VPS8: variants seen among roughly 807,000 people sequenced by gnomAD.
VPS8 encodes the protein VPS8 subunit of CORVET complex, also known as vacuolar protein sorting-associated protein 8 homolog.
A neutral mutation model predicts 216.4 loss-of-function variants in VPS8; 129 were observed. The ratio of observed to expected loss-of-function variants is 0.60; its 90% CI spans 0.52 to 0.69. The LOEUF (loss-of-function observed/expected upper bound fraction) is 0.69. Among genes scored for constraint, VPS8 ranks in the 30% least tolerant of loss-of-function variants. VPS8 has a pLI of 0.00. For synonymous variants in VPS8, 571 were observed against 565.4 expected (o/e 1.01, Z -0.14); for missense variants, 1,531 against 1,683.5 (o/e 0.91, Z 1.59).
chr3:184,910,130 T>A (rs1278897168), intron 25 of VPS8, among the ~76,000 whole-genome samples: 4 of 38,858 alleles, frequency 1.0e-4, no homozygotes, highest in African/African-American at 7.7e-5. Flanking sequence ...ATTCTCCTAT[T>A]TTTTTTTTTT....
intron 25 of VPS8, among the ~76,000 whole-genome samples, chr3:184,904,530 C>T (rs1225873355): frequency 1.3e-5 from 2 of 152,128 alleles, no homozygotes; most frequent in Non-Finnish European, 2.9e-5. Context: ...ACCTTGCATT[C>T]TTGGGATAAA....
chr3:184,876,657 T>A (rs1473621706), intron 21 of VPS8, among the ~76,000 whole-genome samples: 1 of 152,168 alleles, frequency 6.6e-6, no homozygotes, highest in Non-Finnish European at 1.5e-5. Context: ...TGTTAGTGAG[T>A]GGATCCACCA....
At chr3:184,952,517 G>A (rs1744883379) in intron 36 of VPS8, among the ~76,000 whole-genome samples, 1 of 127,330 alleles carries the variant, frequency 7.9e-6, no homozygotes, top group African/African-American at 2.7e-5. Context: ...GTAGCCTCTG[G>A]CAGAAGCTGA....
At chr3:185,039,648 A>G (rs1289912004) in intron 46 of VPS8, among the ~76,000 whole-genome samples, 2 of 152,078 alleles carry the variant, frequency 1.3e-5, no homozygotes, top group Non-Finnish European at 2.9e-5. Flanking sequence ...GAAAAGGTTC[A>G]GGGGGTAGAT....
In VPS8 at chr3:184,983,038, T is replaced by C. The variant is rs1401066645; in HGVS notation, c.3529T>C (p.Leu1177=). The C allele has an allele frequency of 6.2e-7, 1 of 1,609,544 alleles. No homozygotes were observed. Among genetic ancestry groups the C allele is most frequent in the Admixed American group, 1.7e-5 (1 of 59,756 alleles). ...TCTGAAGTCTTTGACCATGCAAGTT[T>C]TAAATAGCATGGCAGCATTTATTGC... ...EALKSLTMQV[L]NSMAAFIALP... Residue 1177 remains leucine, a synonymous_variant, in exon 42 of 48, where the codon TTA becomes CTA. Coordinates refer to ENST00000625842, the MANE Select transcript of VPS8 (RefSeq NM_001009921.3).
rs1407166564 is a variant in VPS8 at position 185,006,838 on chromosome 3, G to A, written c.4002+6977G>A. ...ACTGCCTTTGTAATGCAGTCCTTCT[G>A]TCAAATGCAGTCCTTTTGTTTCATC... On this transcript the variant is annotated intron_variant, in intron 45 of 47. Transcript: ENST00000625842. 4.7e-4 allele frequency among the ~76,000 whole-genome samples: 12 copies of A among 25,568 alleles called. No individual in the cohort carries two copies. In the East Asian group the frequency reaches 9.9e-3, roughly 21 times the overall value. 16.8% of individuals were successfully genotyped at this position (25,568 alleles called of 152,430 possible).
In VPS8 at chr3:184,900,959, A is replaced by G. The variant is rs942354155; in HGVS notation, c.2133A>G (p.Gly711=). ...TCATTGCTCCTCCTCTGAATGCAGG[A>G]AAAACACTAACAGGTATTTATTTTC... is the stretch of plus-strand genomic sequence containing the variant. ...FRVIAPPLNA[G]KTLTDEQVVM... is the part of the protein sequence containing the mutation. The change falls in exon 25 of 48, where the codon GGA becomes GGG. Residue 711 remains glycine (G), a synonymous_variant. Coordinates refer to ENST00000625842, the MANE Select transcript of VPS8 (RefSeq NM_001009921.3). 2.3e-5 allele frequency: 37 copies of G among 1,606,396 alleles called. No homozygotes were observed. Among genetic ancestry groups the G allele is most frequent in the Non-Finnish European group, 3.0e-5 (35 of 1,178,298 alleles).
intron 42 of VPS8, among the ~76,000 whole-genome samples, chr3:184,989,997 T>C (rs997422123): frequency 4.3e-4 from 66 of 151,930 alleles, no homozygotes; most frequent in African/African-American, 1.5e-3. Flanking sequence ...GGTGTGAACC[T>C]GGGAGGCAGA....
chr3:185,047,630 TAGCGTATACTG>T (rs1186711884), intron 46 of VPS8, among the ~76,000 whole-genome samples: 1 of 152,212 alleles, frequency 6.6e-6, no homozygotes, highest in Non-Finnish European at 1.5e-5. Flanking sequence ...TAAGAAAAGC[TAGCGTATACTG>T]AGCCCTCGCC....
intron 35 of VPS8, among the ~76,000 whole-genome samples, chr3:184,938,373 A>G (rs1742013217): frequency 6.6e-6 from 1 of 152,248 alleles, no homozygotes; most frequent in Admixed American, 6.5e-5. Flanking sequence ...CTCTAGGAAG[A>G]AGACAAATAA....
chr3:185,052,183 C>A lies in VPS8; in HGVS notation c.*158C>A. On this transcript the variant is annotated 3_prime_UTR_variant, in exon 48 of 48. Transcript: ENST00000625842. ...GCCCAGAGCGTCCACAGCACCATTC[C>A]CAGTGTAGACTCCCAGTCTTCTCCA... The A allele has an allele frequency of 3.0e-6, 2 of 671,306 alleles. No individual in the cohort carries two copies. Among genetic ancestry groups the A allele is most frequent in the Admixed American group, 6.9e-5 (2 of 29,106 alleles). 41.6% of individuals were successfully genotyped at this position (671,306 alleles called of 1,614,324 possible).
chr3:184,992,411 G>A (rs944908125), intron 42 of VPS8, among the ~76,000 whole-genome samples: 2 of 152,022 alleles, frequency 1.3e-5, no homozygotes, highest in African/African-American at 4.8e-5. Context: ...ATTAGTTTTT[G>A]TATCCAGACT....
chr3:184,931,891 G>A (rs895552222), intron 34 of VPS8, among the ~76,000 whole-genome samples: 1 of 151,994 alleles, frequency 6.6e-6, no homozygotes. Context: ...ACAGTGGTTT[G>A]AGCACATGGA....
At chr3:185,049,142 A>C (rs1304628139) in intron 47 of VPS8, among the ~76,000 whole-genome samples, 1 of 152,124 alleles carries the variant, frequency 6.6e-6, no homozygotes, top group East Asian at 1.9e-4. Flanking sequence ...TAGACCCATG[A>C]CCATACCTCA....
chr3:184,813,264 A>G (rs563391755), intron 1 of VPS8, among the ~76,000 whole-genome samples: 10 of 152,098 alleles, frequency 6.6e-5, no homozygotes, highest in African/African-American at 2.4e-4. Context: ...TGCACCATCC[A>G]CCCTCTACCA....
intron 22 of VPS8, 106 bp downstream of exon 22, chr3:184,886,262 A>C: frequency 1.9e-6 from 2 of 1,055,150 alleles, no homozygotes; most frequent in South Asian, 3.2e-5. Flanking sequence ...AGATTTAAAA[A>C]TATTAATTTA....
At position 184,968,067 on chromosome 3, in the gene VPS8, C is replaced by T. The variant is rs190582377; in HGVS notation, c.3316+1354C>T. Among the ~76,000 whole-genome samples the T allele has an allele frequency of 9.8e-4, 149 of 152,138 alleles. 2 individuals carry two copies. The highest frequency in any genetic ancestry group is 3.4e-3 in the African/African-American group (140 of 41,490). ...TCTCCTCCCAGCCCCTGGCAAATAC[C>T]GTCTTACTTTCTTTTTTCACCATTC... On this transcript the variant is annotated intron_variant, in intron 39 of 47. Transcript: ENST00000625842.
Position 184,964,475 on chromosome 3 carries a change from A to G in VPS8, c.3191A>G (p.Gln1064Arg), listed in dbSNP as rs1297554308. The change falls in exon 38 of 48, where the codon CAG (glutamine) becomes CGG (arginine). Residue 1064 changes from glutamine (Q) to arginine (R), a missense_variant. This residue lies in a region of VPS8 where 1,318 missense variants were observed against 1,468.4 expected (regional missense o/e 0.90). Coordinates refer to ENST00000625842, the MANE Select transcript of VPS8 (RefSeq NM_001009921.3). ...YRLEETIQIT[Q>R]KYQLHEVTAY... is the part of the protein sequence containing the mutation. The stretch of plus-strand genomic sequence containing the variant: ...ATCTTTTTTATTTCCTAGATTACTC[A>G]GAAGTATCAACTTCATGAAGTCACC... 2 of 1,498,688 alleles carry G rather than the reference A, an allele frequency of 1.3e-6. No homozygotes were observed. Among genetic ancestry groups the G allele is most frequent in the African/African-American group, 2.8e-5 (2 of 71,794 alleles). 92.8% of individuals were successfully genotyped at this position (1,498,688 alleles called of 1,614,324 possible).
intron 46 of VPS8, among the ~76,000 whole-genome samples, chr3:185,031,345 CA>C (rs1049233110): frequency 6.6e-6 from 1 of 152,170 alleles, no homozygotes; most frequent in Non-Finnish European, 1.5e-5. Flanking sequence ...TCATAAACAA[CA>C]AAATGATAGC....
Sources: allele counts gnomAD v4.1 joint callset (sites outside exome capture counted in the v4.1 genomes callset), GRCh38; gene constraint gnomAD v4.1.1; regional missense constraint gnomAD v4.1.1; transcripts MANE v1.5; gene names NCBI Gene and HGNC (gene_info 2026-07-23, HGNC 2026-07-21).